Variants in CACNA2D3 observed in about 807,000 individuals in gnomAD.
CACNA2D3 encodes the protein voltage-dependent calcium channel subunit alpha-2/delta-3.
A neutral mutation model predicts 160.6 loss-of-function variants in CACNA2D3; 60 were observed. The observed-to-expected ratio is 0.37, with a 90% CI of 0.30 to 0.46. The LOEUF is 0.46. Among genes scored for constraint, CACNA2D3 ranks in the 20% least tolerant of loss-of-function variants. The probability of loss-of-function intolerance (pLI) is 1.00; values close to 1 mark genes in which losing one functional copy is unlikely to be tolerated. For missense variants in CACNA2D3, 1,205 were observed against 1,365.0 expected (o/e 0.88, Z 1.85); for synonymous variants, 558 against 492.9 (o/e 1.13, Z -1.75).
intron 2 of CACNA2D3, among the ~76,000 whole-genome samples, chr3:54,244,766 T>C (rs968940291): frequency 6.6e-6 from 1 of 152,266 alleles, no homozygotes; most frequent in Non-Finnish European, 1.5e-5. Context: ...AGCTTCATTG[T>C]AAGTAATAAT....
chr3:54,176,590 C>T (rs184167834), intron 2 of CACNA2D3, among the ~76,000 whole-genome samples: 9 of 152,214 alleles, frequency 5.9e-5, no homozygotes, highest in Admixed American at 2.6e-4. Context: ...AAATCTGTTT[C>T]CCACGTGAGT....
intron 11 of CACNA2D3, among the ~76,000 whole-genome samples, chr3:54,711,292 A>C (rs975435806): frequency 6.6e-6 from 1 of 152,138 alleles, no homozygotes; most frequent in South Asian, 2.1e-4. Flanking sequence ...CACACACACA[A>C]AAGACCTATT....
chr3:54,311,591 C>A (rs79160657), intron 2 of CACNA2D3, among the ~76,000 whole-genome samples: 1 of 152,312 alleles, frequency 6.6e-6, no homozygotes, highest in South Asian at 2.1e-4. Flanking sequence ...ACCTCTACTG[C>A]AGACCAGTGT....
intron 35 of CACNA2D3, among the ~76,000 whole-genome samples, chr3:55,022,047 C>T (rs149114255): frequency 4.6e-5 from 7 of 152,140 alleles, no homozygotes; most frequent in African/African-American, 7.2e-5. Context: ...CCTTTATTTT[C>T]AGTCTATTTT....
intron 4 of CACNA2D3, among the ~76,000 whole-genome samples, chr3:54,459,932 C>T (rs557756581): frequency 3.0e-4 from 46 of 152,288 alleles, no homozygotes; most frequent in Non-Finnish European, 4.7e-4. Flanking sequence ...TTTAATCCAT[C>T]TTGAATTAAT....
In CACNA2D3 at chr3:54,503,559, A is replaced by G; in HGVS notation, c.449A>G (p.Lys150Arg). The G allele has an allele frequency of 6.2e-7, 1 of 1,613,766 alleles. No homozygotes were observed. Among genetic ancestry groups the G allele is most frequent in the Non-Finnish European group, 8.5e-7 (1 of 1,179,644 alleles). The change falls in exon 5 of 38, where the codon AAG (lysine) becomes AGG (arginine). Residue 150 changes from lysine (K) to arginine (R), a missense_variant. Coordinates refer to ENST00000474759, the MANE Select transcript of CACNA2D3 (RefSeq NM_018398.3). ...GACGGGAATTTTTTGGAGCTGGGAA[A>G]GGAATTCATCTTAGCCCCAAATGAC... ...DKDGNFLELG[K>R]EFILAPNDHF...
chr3:55,041,402 C>T (rs1464546655), intron 35 of CACNA2D3, among the ~76,000 whole-genome samples: 3 of 152,174 alleles, frequency 2.0e-5, no homozygotes, highest in Admixed American at 1.3e-4. Context: ...GTACCTGTTA[C>T]TCTTTAGACT....
At chr3:54,948,931 T>C (rs1036634795) in intron 27 of CACNA2D3, among the ~76,000 whole-genome samples, 2 of 152,228 alleles carry the variant, frequency 1.3e-5, no homozygotes, top group Admixed American at 1.3e-4. Context: ...TGGAAATACA[T>C]TGTTTCATGT....
At chr3:54,481,545 C>T (rs1346338583) in intron 4 of CACNA2D3, among the ~76,000 whole-genome samples, 4 of 152,198 alleles carry the variant, frequency 2.6e-5, no homozygotes, top group Non-Finnish European at 5.9e-5. Context: ...TAACTGTGCT[C>T]GGTTCTTCCA....
intron 9 of CACNA2D3, among the ~76,000 whole-genome samples, chr3:54,595,315 T>G (rs978933229): frequency 1.0e-5 from 1 of 98,800 alleles, no homozygotes; most frequent in South Asian, 3.4e-4. Flanking sequence ...GTGTGTGTGG[T>G]GTGTGTGTGT....
At chr3:54,176,104 C>G (rs1008327938) in intron 2 of CACNA2D3, among the ~76,000 whole-genome samples, 3 of 152,186 alleles carry the variant, frequency 2.0e-5, no homozygotes, top group Non-Finnish European at 4.4e-5. Context: ...GGGTCCTTTT[C>G]AGTTCAACAT....
intron 4 of CACNA2D3, among the ~76,000 whole-genome samples, chr3:54,473,413 C>G (rs552147512): frequency 6.6e-6 from 1 of 152,204 alleles, no homozygotes; most frequent in African/African-American, 2.4e-5. Context: ...AACAGAAAAC[C>G]TAAAACCATA....
chr3:54,702,250 T>C (rs1290735131), intron 11 of CACNA2D3, among the ~76,000 whole-genome samples: 1 of 152,002 alleles, frequency 6.6e-6, no homozygotes, highest in Non-Finnish European at 1.5e-5. Context: ...AACAAAAACA[T>C]TGACAAGTGG....
intron 2 of CACNA2D3, among the ~76,000 whole-genome samples, chr3:54,201,879 A>G (rs947777252): frequency 1.3e-5 from 2 of 152,238 alleles, no homozygotes; most frequent in African/African-American, 4.8e-5. Flanking sequence ...TATCCAGTTC[A>G]GAAAATGACA....
At chr3:54,608,082 G>T (rs1698673497) in intron 9 of CACNA2D3, among the ~76,000 whole-genome samples, 1 of 152,194 alleles carries the variant, frequency 6.6e-6, no homozygotes, top group East Asian at 1.9e-4. Flanking sequence ...AATCCTGATT[G>T]TGGTGGTTGT....
chr3:55,022,535 CTTCT>C (rs991270927), intron 35 of CACNA2D3, among the ~76,000 whole-genome samples: 9 of 124,352 alleles, frequency 7.2e-5, no homozygotes, highest in East Asian at 2.0e-4. Flanking sequence ...TTCTTCCTTC[CTTCT>C]TTCTTTCTTT....
chr3:54,162,488 T>A (rs1192352703), intron 2 of CACNA2D3, among the ~76,000 whole-genome samples: 1 of 152,140 alleles, frequency 6.6e-6, no homozygotes, highest in Non-Finnish European at 1.5e-5. Flanking sequence ...ATGTGACAGG[T>A]GGGATCCAAG....
At chr3:54,803,008 T>C (rs1703030711) in intron 13 of CACNA2D3, among the ~76,000 whole-genome samples, 1 of 152,058 alleles carries the variant, frequency 6.6e-6, no homozygotes, top group Non-Finnish European at 1.5e-5. Flanking sequence ...TCCTGTCTGG[T>C]AGAAGGAAAA....
intron 3 of CACNA2D3, among the ~76,000 whole-genome samples, chr3:54,321,934 A>AC (rs1325999384): frequency 6.6e-6 from 1 of 152,016 alleles, no homozygotes; most frequent in Admixed American, 6.6e-5. Flanking sequence ...AAAAAAAAAA[A>AC]AAAAAAAACT....
Sources: allele counts gnomAD v4.1 joint callset (sites outside exome capture counted in the v4.1 genomes callset), GRCh38; gene constraint gnomAD v4.1.1; transcripts MANE v1.5; gene names NCBI Gene and HGNC (gene_info 2026-07-23, HGNC 2026-07-21).